The following IL23R variants were observed in gnomAD, a reference collection of about 807,000 sequenced individuals.
The protein encoded by IL23R is interleukin 23 receptor, also known as interleukin-23 receptor.
IL23R carries 34 observed loss-of-function variants against 56.9 expected under a neutral mutation model. The ratio of observed to expected loss-of-function variants is 0.60; its 90% CI spans 0.45 to 0.80. IL23R has a LOEUF of 0.80. IL23R is among the 30% of genes least tolerant of loss of function. IL23R has a pLI of 0.00. For missense variants in IL23R, 635 were observed against 730.0 expected (o/e 0.87, Z 1.50); for synonymous variants, 230 against 249.2 (o/e 0.92, Z 0.73).
intron 1 of IL23R, among the ~76,000 whole-genome samples, chr1:67,153,945 G>A (rs1181024051): frequency 1.3e-5 from 2 of 151,890 alleles, no homozygotes; most frequent in African/African-American, 4.8e-5. Context: ...TTTTTTGTAT[G>A]TTTTAGTGGA....
At chr1:67,212,623 G>A (rs1192125039) in intron 6 of IL23R, among the ~76,000 whole-genome samples, 2 of 150,016 alleles carry the variant, frequency 1.3e-5, no homozygotes, top group African/African-American at 4.9e-5. Context: ...TCAGCTCACT[G>A]CAGCCTTGAC....
chr1:67,238,204 T>G (rs1651608458), intron 8 of IL23R, among the ~76,000 whole-genome samples: 1 of 151,456 alleles, frequency 6.6e-6, no homozygotes, highest in Non-Finnish European at 1.5e-5. Context: ...AAAAATTAGA[T>G]GGGTGTGGTG....
chr1:67,214,288 A>C (rs1448145667), intron 6 of IL23R, among the ~76,000 whole-genome samples: 2 of 152,172 alleles, frequency 1.3e-5, no homozygotes, highest in Non-Finnish European at 1.5e-5. Context: ...CTGTCTTTTC[A>C]TTTTCTAAAT....
chr1:67,178,236 C>A (rs939001853), intron 3 of IL23R, among the ~76,000 whole-genome samples: 3 of 152,076 alleles, frequency 2.0e-5, no homozygotes, highest in African/African-American at 7.3e-5. Flanking sequence ...GATATTGATT[C>A]TTCCTCCCCA....
chr1:67,235,647 C>T (rs931108350), intron 7 of IL23R, among the ~76,000 whole-genome samples: 1 of 152,196 alleles, frequency 6.6e-6, no homozygotes, highest in African/African-American at 2.4e-5. Context: ...CCTGCCTTGG[C>T]TTCCCAAAGT....
chr1:67,162,201 C>T (rs573507073), upstream of IL23R, among the ~76,000 whole-genome samples: 13 of 151,524 alleles, frequency 8.6e-5, no homozygotes, highest in African/African-American at 3.1e-4. Context: ...CACGATGGCT[C>T]ACTCCTGTAA....
chr1:67,163,833 A>T (rs1646845884), upstream of IL23R, among the ~76,000 whole-genome samples: 1 of 152,240 alleles, frequency 6.6e-6, no homozygotes, highest in Non-Finnish European at 1.5e-5. Flanking sequence ...CTGTGAGCCA[A>T]TTAAGCCTCT....
Position 67,168,091 on chromosome 1 carries a change from G to C in IL23R, c.-29-1G>C. ...AAACATTTTTCATATTTTTTTTCCA[G>C]AGGGAAACAGTCTTTTCCTGCTTCC... On this transcript the variant is annotated splice_acceptor_variant, in intron 1 of 10. Transcript: ENST00000347310. LOFTEE classifies it low-confidence loss of function (5UTR_SPLICE). 4.7e-6 allele frequency: 7 copies of C among 1,494,474 alleles called. No homozygotes were observed. Among genetic ancestry groups the C allele is most frequent in the Non-Finnish European group, 6.5e-6 (7 of 1,072,364 alleles). The allele number at this position is 1,494,474 out of a possible 1,614,324, so 92.6% of individuals were successfully genotyped here. A position where few individuals can be genotyped will look rare whatever the true frequency, so the allele number is the denominator to read the frequency against.
At chr1:67,143,068 G>A (rs1035638922) in intron 1 of IL23R, among the ~76,000 whole-genome samples, 2 of 151,256 alleles carry the variant, frequency 1.3e-5, no homozygotes, top group African/African-American at 2.4e-5. Context: ...TTTTCATTTC[G>A]AAGCCCAAGA....
chr1:67,219,025 A>G (rs1023649564), intron 6 of IL23R, among the ~76,000 whole-genome samples: 4 of 152,054 alleles, frequency 2.6e-5, no homozygotes, highest in Middle Eastern at 6.9e-3. Flanking sequence ...ACACATATAT[A>G]TAATATCACA....
chr1:67,215,986 T>A (rs7517847), intron 6 of IL23R, among the ~76,000 whole-genome samples: 1 of 152,000 alleles, frequency 6.6e-6, no homozygotes, highest in Admixed American at 6.6e-5. Flanking sequence ...TCCCAAGGCC[T>A]CAGCTACACC....
upstream of IL23R, among the ~76,000 whole-genome samples, chr1:67,165,468 A>G (rs1323266778): frequency 1.3e-5 from 2 of 152,216 alleles, no homozygotes; most frequent in Non-Finnish European, 2.9e-5. Flanking sequence ...TTCTGGATCT[A>G]TAGTCCCCCC....
At chr1:67,247,208 C>T (rs1652286447) in intron 9 of IL23R, among the ~76,000 whole-genome samples, 1 of 151,496 alleles carries the variant, frequency 6.6e-6, no homozygotes, top group African/African-American at 2.4e-5. Flanking sequence ...TGTTTTTGCA[C>T]ATGAGATGGG....
intron 1 of IL23R, among the ~76,000 whole-genome samples, chr1:67,139,735 G>A (rs1332343586): frequency 6.6e-6 from 1 of 152,122 alleles, no homozygotes; most frequent in Non-Finnish European, 1.5e-5. Flanking sequence ...TAAAGATAAA[G>A]TCTTGCTATG....
chr1:67,150,928 A>G (rs1646723249), intron 1 of IL23R, among the ~76,000 whole-genome samples: 1 of 152,164 alleles, frequency 6.6e-6, no homozygotes, highest in African/African-American at 2.4e-5. Flanking sequence ...ATGTGCACGT[A>G]TCTTTGTAGT....
At chr1:67,145,125 AC>A (rs34005887) in intron 1 of IL23R, among the ~76,000 whole-genome samples, 2 of 152,196 alleles carry the variant, frequency 1.3e-5, no homozygotes, top group African/African-American at 4.8e-5. Context: ...CAGGTGGATC[AC>A]CTGAGGTCAG....
At chr1:67,165,187 T>C (rs976219648), upstream of IL23R, among the ~76,000 whole-genome samples, 2 of 152,152 alleles carry the variant, frequency 1.3e-5, no homozygotes, top group African/African-American at 4.8e-5. Context: ...CCAGCCTGTG[T>C]GACAGAGCAA....
At chr1:67,177,427 T>G (rs545536959) in intron 3 of IL23R, among the ~76,000 whole-genome samples, 1 of 152,290 alleles carries the variant, frequency 6.6e-6, no homozygotes, top group South Asian at 2.1e-4. Context: ...TTTTGAGAAG[T>G]GTCTGTTCAT....
At chr1:67,212,650 A>G (rs1649561986) in intron 6 of IL23R, among the ~76,000 whole-genome samples, 1 of 151,316 alleles carries the variant, frequency 6.6e-6, no homozygotes, top group Non-Finnish European at 1.5e-5. Context: ...GACTCAAGCA[A>G]TCCTCCTGCC....
Sources: gnomAD v4.1 joint callset for allele counts (sites outside exome capture counted in the v4.1 genomes callset) on GRCh38, gnomAD v4.1.1 for gene constraint, MANE v1.5 for transcripts, NCBI Gene and HGNC (gene_info 2026-07-23, HGNC 2026-07-21) for gene names.